ANKUB1: variants seen among roughly 807,000 people sequenced by gnomAD.
The protein encoded by ANKUB1 is ankyrin repeat and ubiquitin domain containing 1, also known as protein ANKUB1.
Under a neutral mutation model 49.3 loss-of-function variants are expected in ANKUB1, and 42 were observed. The ratio of observed to expected loss-of-function variants is 0.85; its 90% CI spans 0.67 to 1.10. The LOEUF is 1.10. ANKUB1 is among the 50% of genes least tolerant of loss of function. The pLI is 0.00. For missense variants in ANKUB1, 613 were observed against 642.0 expected, an observed-to-expected ratio of 0.95 and a Z score of 0.49; for synonymous variants, 222 against 231.0, an observed-to-expected ratio of 0.96 and a Z score of 0.35.
chr3:149,771,855 T>A (rs954502288), intron 3 of ANKUB1, among the ~76,000 whole-genome samples: 25 of 152,100 alleles, frequency 1.6e-4, no homozygotes, highest in Admixed American at 1.6e-3. Context: ...AGACTCCCCC[T>A]GCTGGCGATA....
Position 149,767,691 on chromosome 3 carries a change from T to C in ANKUB1, c.971A>G (p.Gln324Arg), listed in dbSNP as rs1370101791. 2.6e-6 allele frequency: 4 copies of C among 1,551,650 alleles called. No individual in the cohort carries two copies. The African/African-American group carries it at 5.5e-5, about 21-fold the overall frequency. ...CTGGCTTTTATGAAGACTGTGACTCTGAGCTCTGAGGATCCATTGTTTTAT... is the reference window on the plus strand; with the variant it reads ...CTGGCTTTTATGAAGACTGTGACTCCGAGCTCTGAGGATCCATTGTTTTAT... ...IKIKQWILRAQSHSLHKSQFC... is the reference protein window; with the variant it reads ...IKIKQWILRARSHSLHKSQFC... The change falls in exon 5 of 6, where the codon CAG becomes CGG. Residue 324 changes from glutamine to arginine, a missense_variant. Physicochemically the swap from Gln to Arg is conservative, Grantham distance 43 (BLOSUM62 1). Coordinates refer to ENST00000446160, the MANE Select transcript of ANKUB1 (RefSeq NM_001144960.3).
intron 3 of ANKUB1, among the ~76,000 whole-genome samples, chr3:149,773,390 C>T (rs751870482): frequency 6.6e-6 from 1 of 152,170 alleles, no homozygotes; most frequent in Non-Finnish European, 1.5e-5. Flanking sequence ...TGCGTTACTA[C>T]CCTCATCCCC....
Position 149,780,337 on chromosome 3 carries a change from A to T in ANKUB1, c.353T>A (p.Leu118Gln), listed in dbSNP as rs1180229304. 2.6e-6 allele frequency: 4 copies of T among 1,551,698 alleles called. No homozygotes were observed. Among genetic ancestry groups the T allele is most frequent in the Non-Finnish European group, 3.5e-6 (4 of 1,146,920 alleles). Reference sequence around the variant, plus strand: ...GACACTCACGGGGAGGCCACATCTCAGAGTTACCAGTGTTCTCAGATCAGA... The same window carrying T: ...GACACTCACGGGGAGGCCACATCTCTGAGTTACCAGTGTTCTCAGATCAGA... The part of the protein sequence containing the change: ...TVSDLRTLVT[L>Q]RCGLPVSVYC... Residue 118 changes from leucine to glutamine, a missense_variant, in exon 3 of 6, where the codon CTG becomes CAG. By Grantham distance (113) the Leu-to-Gln change is moderately radical (BLOSUM62 -2). Transcript: ENST00000446160.
chr3:149,787,659 C>A (rs914878353), intron 2 of ANKUB1, among the ~76,000 whole-genome samples: 1 of 152,112 alleles, frequency 6.6e-6, no homozygotes, highest in African/African-American at 2.4e-5. Context: ...TCTTGTATTA[C>A]CCTTATTTCC....
chr3:149,776,690 G>A (rs945590402), intron 3 of ANKUB1, among the ~76,000 whole-genome samples: 1 of 152,184 alleles, frequency 6.6e-6, no homozygotes, highest in Non-Finnish European at 1.5e-5. Flanking sequence ...GCCAGGTGCA[G>A]TAGCTCACTC....
rs1718405809 is a variant in ANKUB1, at chr3:149,792,551, A to G, written c.-185T>C. On this transcript the variant is annotated 5_prime_UTR_variant, in exon 1 of 6. Coordinates refer to ENST00000446160, the MANE Select transcript of ANKUB1 (RefSeq NM_001144960.3). ...TCCCACAGTGCCACAGTATCAGGCAACACAGACACCAGCTACTTTGGAGGA... is the reference window on the plus strand; with the variant it reads ...TCCCACAGTGCCACAGTATCAGGCAGCACAGACACCAGCTACTTTGGAGGA... 1.7e-5 allele frequency: 7 copies of G among 403,582 alleles called. No homozygotes were observed. Among genetic ancestry groups the G allele is most frequent in the Non-Finnish European group, 3.1e-5 (7 of 228,372 alleles). The allele number at this position is 403,582 out of a possible 1,614,324, so 25.0% of individuals were successfully genotyped here. A position where few individuals can be genotyped will look rare whatever the true frequency, so the allele number is the denominator to read the frequency against.
chr3:149,780,477 G>T (rs1030595759), intron 2 of ANKUB1, 22 bp from the exon 3 acceptor site: 1 of 1,534,832 alleles, frequency 6.5e-7, no homozygotes, highest in Admixed American at 2.0e-5. Flanking sequence ...GAAAAGGAGG[G>T]AACTTATTGT....
chr3:149,779,346 T>A (rs1717746857), intron 3 of ANKUB1: 1 of 150,982 alleles, frequency 6.6e-6, no homozygotes, highest in Non-Finnish European at 1.5e-5. Flanking sequence ...GTTTTTTGTT[T>A]TTTGTACAGA....
At chr3:149,772,346 A>G (rs898133407) in intron 3 of ANKUB1, among the ~76,000 whole-genome samples, 4 of 152,092 alleles carry the variant, frequency 2.6e-5, no homozygotes, top group African/African-American at 9.7e-5. Flanking sequence ...CATGTCCTAC[A>G]TCTAAACGGT....
At chr3:149,787,149 T>C (rs1408471611) in intron 2 of ANKUB1, among the ~76,000 whole-genome samples, 1 of 152,236 alleles carries the variant, frequency 6.6e-6, no homozygotes, top group Non-Finnish European at 1.5e-5. Context: ...ATTGAATCTA[T>C]AAATTACCTT....
intron 1 of ANKUB1, among the ~76,000 whole-genome samples, chr3:149,791,542 C>A (rs1345572808): frequency 6.6e-6 from 1 of 152,092 alleles, no homozygotes; most frequent in African/African-American, 2.4e-5. Flanking sequence ...AGGTTAAGAT[C>A]CCTTGTGTTA....
chr3:149,767,686 G>A lies in ANKUB1; in HGVS notation c.976C>T (p.His326Tyr), dbSNP rs1228176647. The A allele has an allele frequency of 6.4e-7, 1 of 1,551,664 alleles. No individual in the cohort carries two copies. The highest frequency in any genetic ancestry group is 2.4e-5 in the East Asian group (1 of 40,926). Reference protein sequence around the residue: ...IKQWILRAQSHSLHKSQFCGA... With the variant: ...IKQWILRAQSYSLHKSQFCGA... Reference sequence around the variant, plus strand: ...CAAAACTGGCTTTTATGAAGACTGTGACTCTGAGCTCTGAGGATCCATTGT... The same window carrying A: ...CAAAACTGGCTTTTATGAAGACTGTAACTCTGAGCTCTGAGGATCCATTGT... Residue 326 changes from histidine (H) to tyrosine (Y), a missense_variant, in exon 5 of 6, where the codon CAC becomes TAC. Physicochemically the swap from His to Tyr is moderately conservative, Grantham distance 83. Coordinates refer to ENST00000446160, the MANE Select transcript of ANKUB1 (RefSeq NM_001144960.3).
chr3:149,770,452 G>C, intron 4 of ANKUB1, 108 bp downstream of exon 4: 2 of 782,102 alleles, frequency 2.6e-6, no homozygotes, highest in South Asian at 3.2e-5. Context: ...AACTGGCATA[G>C]AGCAGCACCC....
intron 2 of ANKUB1, among the ~76,000 whole-genome samples, chr3:149,782,551 C>T (rs1717916996): frequency 6.6e-6 from 1 of 151,746 alleles, no homozygotes; most frequent in South Asian, 2.1e-4. Context: ...TGCAAAATAT[C>T]TGGCAATTTT....
Position 149,772,018 on chromosome 3 carries a change from T to C in ANKUB1, c.452-1344A>G, listed in dbSNP as rs547524621. Among the ~76,000 whole-genome samples the C allele has an allele frequency of 5.6e-3, 841 of 149,564 alleles. 8 individuals are homozygous for C. Among genetic ancestry groups the C allele is most frequent in the African/African-American group, 0.02 (796 of 40,678 alleles). On this transcript the variant is annotated intron_variant, in intron 3 of 5. Transcript: ENST00000446160. ...CCATATATTAGAGAGTTTTCCTCCATCCTTCCTTTTTTTTTTTTTTTTTTT... is the reference window on the plus strand; with the variant it reads ...CCATATATTAGAGAGTTTTCCTCCACCCTTCCTTTTTTTTTTTTTTTTTTT...
intron 3 of ANKUB1, among the ~76,000 whole-genome samples, chr3:149,770,918 AT>A (rs113085318): frequency 1.9e-3 from 286 of 152,270 alleles, no homozygotes; most frequent in African/African-American, 6.6e-3. Context: ...GCACTGAAGT[AT>A]TTTTTTGCAG....
At position 149,761,356 on chromosome 3, in the gene ANKUB1, A is replaced by T; in HGVS notation, c.*128T>A. 8.8e-7 allele frequency: 1 copy of T among 1,133,566 alleles called. No homozygotes were observed. Among genetic ancestry groups the T allele is most frequent in the Non-Finnish European group, 1.2e-6 (1 of 822,460 alleles). The allele number at this position is 1,133,566 out of a possible 1,614,324, so 70.2% of individuals were successfully genotyped here. On this transcript the variant is annotated 3_prime_UTR_variant, in exon 6 of 6. Coordinates refer to ENST00000446160, the MANE Select transcript of ANKUB1 (RefSeq NM_001144960.3). ...AAAACATGGTGTTAAATATCCTATT[A>T]AAAGTTATGTGGCATTATAACTGTT...
At chr3:149,790,726 A>G (rs897888813) in intron 2 of ANKUB1, 55 bp downstream of exon 2, 7 of 1,485,204 alleles carry the variant, frequency 4.7e-6, no homozygotes, top group Non-Finnish European at 6.3e-6. Context: ...CTTATCCCCA[A>G]CTTTATTCAA....
chr3:149,765,857 A>AT (rs1716990557), intron 5 of ANKUB1, among the ~76,000 whole-genome samples: 1 of 152,210 alleles, frequency 6.6e-6, no homozygotes, highest in African/African-American at 2.4e-5. Flanking sequence ...CTATTAAGCT[A>AT]TTAAGTGTCT....
Sources: allele counts gnomAD v4.1 joint callset (sites outside exome capture counted in the v4.1 genomes callset), GRCh38; gene constraint gnomAD v4.1.1; transcripts MANE v1.5; gene names NCBI Gene and HGNC (gene_info 2026-07-23, HGNC 2026-07-21).